PHLDA3: variants seen among roughly 807,000 people sequenced by gnomAD.
PHLDA3 encodes the protein pleckstrin homology-like domain family A member 3.
Under a neutral mutation model 7.6 loss-of-function variants are expected in PHLDA3, and 12 were observed. The ratio of observed to expected loss-of-function variants is 1.58; its 90% CI spans 1.01 to 2.55. The LOEUF is 2.55. PHLDA3 is among the 30% of genes most tolerant of loss of function. PHLDA3 has a pLI of 0.00. For synonymous variants in PHLDA3, 104 were observed against 85.1 expected (o/e 1.22, Z -1.23); for missense variants, 177 against 175.6 (o/e 1.01, Z -0.05).
Position 201,468,640 on chromosome 1 carries a change from C to T in PHLDA3, c.147G>A (p.Arg49=), listed in dbSNP as rs1203582069. ...QLFEAKGTGG[R]PKELSFARIK... is the part of the protein sequence containing the mutation. ...TGCGGGCGAAGCTGAGCTCCTTGGG[C>T]CGGCCGCCCGTGCCCTTGGCCTCGA... is the stretch of plus-strand genomic sequence containing the variant. The change falls in exon 1 of 2, where the codon CGG becomes CGA. Residue 49 remains arginine, a synonymous_variant. Transcript: ENST00000367311. The T allele has an allele frequency of 3.1e-6, 5 of 1,613,032 alleles. No homozygotes were observed. Among genetic ancestry groups the T allele is most frequent in the African/African-American group, 2.7e-5 (2 of 74,942 alleles).
rs940301962 is a variant in PHLDA3, at chr1:201,469,045, G to C, written c.-259C>G. On this transcript the variant is annotated 5_prime_UTR_variant, in exon 1 of 2. Coordinates refer to ENST00000367311, the MANE Select transcript of PHLDA3 (RefSeq NM_012396.5). ...CCTCCGCTCTACCCCAGCTGGCCCA[G>C]CCCGACCCGCCTCTGCCAGATGCCT... 2.1e-5 allele frequency: 8 copies of C among 385,906 alleles called. No individual in the cohort carries two copies. Among genetic ancestry groups the C allele is most frequent in the Admixed American group, 4.8e-5 (1 of 20,740 alleles). The allele number at this position is 385,906 out of a possible 1,614,324, so 23.9% of individuals were successfully genotyped here. A position where few individuals can be genotyped will look rare whatever the true frequency, so the allele number is the denominator to read the frequency against.
Position 201,465,689 on chromosome 1 carries a change from C to A in PHLDA3, c.*552G>T, listed in dbSNP as rs1365118534. 1.3e-5 allele frequency: 2 copies of A among 155,068 alleles called. No homozygotes were observed. The highest frequency in any genetic ancestry group is 2.4e-5 in the African/African-American group (1 of 41,528). 9.6% of individuals were successfully genotyped at this position (155,068 alleles called of 1,614,324 possible). A position where few individuals can be genotyped will look rare whatever the true frequency, so the allele number is the denominator to read the frequency against. On this transcript the variant is annotated 3_prime_UTR_variant, in exon 2 of 2. Transcript: ENST00000367311. The stretch of plus-strand genomic sequence containing the variant: ...CCAAAAGGACCTAAGCAGCAGGAGA[C>A]CCCCAGGAGTGGGCTTTAGGCCCAG...
In PHLDA3 at chr1:201,465,245, G is replaced by A. The variant is rs1663631730; in HGVS notation, c.*996C>T. On this transcript the variant is annotated 3_prime_UTR_variant, in exon 2 of 2. Coordinates refer to ENST00000367311, the MANE Select transcript of PHLDA3 (RefSeq NM_012396.5). ...AGCTGAGGCTTCTCCCAGGGTAGCAGGGGCAGGGTAGCCTCCTGTAGAAGA... is the reference window on the plus strand; with the variant it reads ...AGCTGAGGCTTCTCCCAGGGTAGCAAGGGCAGGGTAGCCTCCTGTAGAAGA... The A allele has an allele frequency of 6.6e-6, 1 of 152,286 alleles. No homozygotes were observed. The highest frequency in any genetic ancestry group is 1.9e-4 in the East Asian group (1 of 5,204). The allele number at this position is 152,286 out of a possible 1,614,324, so 9.4% of individuals were successfully genotyped here.
chr1:201,468,346 T>C lies in PHLDA3; in HGVS notation c.*57A>G. The C allele has an allele frequency of 6.3e-7, 1 of 1,595,348 alleles. No individual in the cohort carries two copies. Among genetic ancestry groups the C allele is most frequent in the Middle Eastern group, 1.7e-4 (1 of 5,976 alleles). On this transcript the variant is annotated 3_prime_UTR_variant, in exon 1 of 2. Coordinates refer to ENST00000367311, the MANE Select transcript of PHLDA3 (RefSeq NM_012396.5). ...CCAGTCCCCCGGGGGCTTACCTGCCTTGACCTCAGCACTGAGGTGGTGGGT... is the reference window on the plus strand; with the variant it reads ...CCAGTCCCCCGGGGGCTTACCTGCCCTGACCTCAGCACTGAGGTGGTGGGT...
rs1407331210 is a variant in PHLDA3, at chr1:201,468,401, G to T, written c.*2C>A. The stretch of plus-strand genomic sequence containing the variant: ...TGAAGGAAAGATGGTGCGCCCGGTG[G>T]TTTAGGACACGAGGGTCCCGGTCCC... On this transcript the variant is annotated 3_prime_UTR_variant, in exon 1 of 2. Coordinates refer to ENST00000367311, the MANE Select transcript of PHLDA3 (RefSeq NM_012396.5). The T allele has an allele frequency of 1.9e-6, 3 of 1,613,752 alleles. No individual in the cohort carries two copies. The highest frequency in any genetic ancestry group is 2.5e-6 in the Non-Finnish European group (3 of 1,179,882).
Position 201,468,555 on chromosome 1 carries a change from C to A in PHLDA3, c.232G>T (p.Glu78Ter). 1 of 1,614,060 alleles carries A rather than the reference C, an allele frequency of 6.2e-7. No individual in the cohort carries two copies. The highest frequency in any genetic ancestry group is 8.5e-7 in the Non-Finnish European group (1 of 1,180,014). Residue 78 changes from glutamate (E) to a stop codon, truncating the protein, a stop_gained, in exon 1 of 2, where the codon GAA (glutamate) becomes TAA (stop). Transcript: ENST00000367311. LOFTEE classifies it high-confidence loss of function. ...GRHIYFTLVT[E>*]GGGEIDFRCP... The stretch of plus-strand genomic sequence containing the variant: ...CGGAAGTCGATCTCGCCGCCCCCTT[C>A]GGTCACCAGCGTGAAGTAGATGTGG...
intron 1 of PHLDA3, among the ~76,000 whole-genome samples, chr1:201,468,099 G>C (rs931552699): frequency 2.0e-5 from 3 of 152,150 alleles, no homozygotes; most frequent in African/African-American, 7.2e-5. Context: ...CCCCTCCCAG[G>C]GCTTCCATCT....
intron 1 of PHLDA3, among the ~76,000 whole-genome samples, chr1:201,467,117 C>T (rs1368327027): frequency 2.6e-5 from 4 of 151,962 alleles, no homozygotes; most frequent in African/African-American, 9.7e-5. Context: ...TCGAAACCAG[C>T]ATGGGCAACG....
In PHLDA3 at chr1:201,468,661, C is replaced by G. The variant is rs1663745096; in HGVS notation, c.126G>C (p.Glu42Asp). The stretch of plus-strand genomic sequence containing the variant: ...TGGGCCGGCCGCCCGTGCCCTTGGC[C>G]TCGAAGAGCTGCAGCCCGCGTTCGG... ...VLTERGLQLF[E>D]AKGTGGRPKE... is the part of the protein sequence containing the mutation. Residue 42 changes from glutamate (E) to aspartate (D), a missense_variant, in exon 1 of 2, where the codon GAG becomes GAC. By Grantham distance (45) the Glu-to-Asp change is conservative (BLOSUM62 2). Transcript: ENST00000367311. The G allele has an allele frequency of 6.2e-7, 1 of 1,612,766 alleles. No individual in the cohort carries two copies. Among genetic ancestry groups the G allele is most frequent in the Non-Finnish European group, 8.5e-7 (1 of 1,179,842 alleles).
intron 1 of PHLDA3, chr1:201,467,728 C>T (rs1035156619): frequency 6.5e-6 from 1 of 153,640 alleles, no homozygotes; most frequent in Non-Finnish European, 1.4e-5. Context: ...CCAGCCAAGG[C>T]GGCCCACTGA....
At chr1:201,466,690 T>A (rs1281820286) in intron 1 of PHLDA3, 1 of 152,228 alleles carries the variant, frequency 6.6e-6, no homozygotes, top group Non-Finnish European at 1.5e-5. Context: ...GAGCCAGGGC[T>A]TCCAGATTCT....
rs937947226 is a variant in PHLDA3 at position 201,465,668 on chromosome 1, A to G, written c.*573T>C. ...GGGCCTGGATGGGTGGGGGTCCCAA[A>G]AGGACCTAAGCAGCAGGAGACCCCC... On this transcript the variant is annotated 3_prime_UTR_variant, in exon 2 of 2. Coordinates refer to ENST00000367311, the MANE Select transcript of PHLDA3 (RefSeq NM_012396.5). The G allele has an allele frequency of 3.2e-5, 5 of 154,956 alleles. No individual in the cohort carries two copies. Among genetic ancestry groups the G allele is most frequent in the African/African-American group, 1.2e-4 (5 of 41,528 alleles). The allele number at this position is 154,956 out of a possible 1,614,324, so 9.6% of individuals were successfully genotyped here. A position where few individuals can be genotyped will look rare whatever the true frequency, so the allele number is the denominator to read the frequency against.
Position 201,465,142 on chromosome 1 carries a change from C to T in PHLDA3, c.*1099G>A, listed in dbSNP as rs1221124395. On this transcript the variant is annotated 3_prime_UTR_variant, in exon 2 of 2. Coordinates refer to ENST00000367311, the MANE Select transcript of PHLDA3 (RefSeq NM_012396.5). ...CCTGTTGAAATTATTCCTTTTAACC[C>T]TCCAGGAGGGAGAACTTACTGTGTA... is the stretch of plus-strand genomic sequence containing the variant. 2.0e-5 allele frequency: 3 copies of T among 152,190 alleles called. No homozygotes were observed. The highest frequency in any genetic ancestry group is 4.8e-5 in the African/African-American group (2 of 41,442). 9.4% of individuals were successfully genotyped at this position (152,190 alleles called of 1,614,324 possible). A position where few individuals can be genotyped will look rare whatever the true frequency, so the allele number is the denominator to read the frequency against.
In PHLDA3 at chr1:201,465,579, T is replaced by G. The variant is rs1235560805; in HGVS notation, c.*662A>C. 1 of 155,026 alleles carries G rather than the reference T, an allele frequency of 6.5e-6. No individual in the cohort carries two copies. The highest frequency in any genetic ancestry group is 1.5e-5 in the Non-Finnish European group (1 of 68,392). The allele number at this position is 155,026 out of a possible 1,614,324, so 9.6% of individuals were successfully genotyped here. A position where few individuals can be genotyped will look rare whatever the true frequency, so the allele number is the denominator to read the frequency against. ...CAAACCCCCCCTCACCCCCACCACC[T>G]TCAGGCCGAACACCGCAGTGGGGGG... On this transcript the variant is annotated 3_prime_UTR_variant, in exon 2 of 2. Transcript: ENST00000367311.
In PHLDA3 at chr1:201,468,516, C is replaced by T. The variant is rs758452055; in HGVS notation, c.271G>A (p.Asp91Asn). 1.9e-6 allele frequency: 3 copies of T among 1,614,204 alleles called. No individual in the cohort carries two copies. The highest frequency in any genetic ancestry group is 1.7e-5 in the Admixed American group (1 of 60,028). Residue 91 changes from aspartate (D) to asparagine (N), a missense_variant, in exon 1 of 2, where the codon GAT (aspartate) becomes AAT (asparagine). Transcript: ENST00000367311. Reference sequence around the variant, plus strand: ...GTGATCTGGGCGTTCCAGCCGGGATCTTCCAGGGGGCAGCGGAAGTCGATC... The same window carrying T: ...GTGATCTGGGCGTTCCAGCCGGGATTTTCCAGGGGGCAGCGGAAGTCGATC... Reference protein sequence around the residue: ...GEIDFRCPLEDPGWNAQITLG... With the variant: ...GEIDFRCPLENPGWNAQITLG...
In PHLDA3 at chr1:201,465,884, A is replaced by C. The variant is rs1430510863; in HGVS notation, c.*357T>G. On this transcript the variant is annotated 3_prime_UTR_variant, in exon 2 of 2. Coordinates refer to ENST00000367311, the MANE Select transcript of PHLDA3 (RefSeq NM_012396.5). ...GGCCTGGCACAAAGCCAGGGGGCTA[A>C]GAGCAGTCTGCAGGACAGAGGGCAG... 2 of 154,928 alleles carry C rather than the reference A, an allele frequency of 1.3e-5. No individual in the cohort carries two copies. The highest frequency in any genetic ancestry group is 2.9e-5 in the Non-Finnish European group (2 of 68,314). The allele number at this position is 154,928 out of a possible 1,614,324, so 9.6% of individuals were successfully genotyped here.
In PHLDA3 at chr1:201,467,597, C is replaced by A. The variant is rs113283143; in HGVS notation, c.*62+744G>T. 2.8e-3 allele frequency: 424 copies of A among 150,746 alleles called. 3 individuals carry two copies. Among genetic ancestry groups the A allele is most frequent in the African/African-American group, 0.01 (410 of 40,752 alleles). 9.3% of individuals were successfully genotyped at this position (150,746 alleles called of 1,614,324 possible). The stretch of plus-strand genomic sequence containing the variant: ...CTGTACTCCAGCCTGGGTGACACAG[C>A]GAGACTCTGTCTCAAACAACAACAA... On this transcript the variant is annotated intron_variant, in intron 1 of 1. Transcript: ENST00000367311.
At position 201,469,082 on chromosome 1, in the gene PHLDA3, T is replaced by G; in HGVS notation, c.-296A>C. ...TCTGCCAGATGCCTCCGCGCCTCCC[T>G]AGGCCGTGAGCCCCACCGCCCGCCC... On this transcript the variant is annotated 5_prime_UTR_variant, in exon 1 of 2. Transcript: ENST00000367311. The G allele has an allele frequency of 3.1e-6, 1 of 320,866 alleles. No individual in the cohort carries two copies. The highest frequency in any genetic ancestry group is 5.8e-5 in the East Asian group (1 of 17,178). The allele number at this position is 320,866 out of a possible 1,614,324, so 19.9% of individuals were successfully genotyped here.
chr1:201,468,840 C>T lies in PHLDA3; in HGVS notation c.-54G>A. 2.1e-6 allele frequency: 3 copies of T among 1,456,432 alleles called. No individual in the cohort carries two copies. The highest frequency in any genetic ancestry group is 2.8e-5 in the Admixed American group (1 of 35,388). 90.2% of individuals were successfully genotyped at this position (1,456,432 alleles called of 1,614,324 possible). A position where few individuals can be genotyped will look rare whatever the true frequency, so the allele number is the denominator to read the frequency against. ...AGGCTGCGGCGGGCGCGGCGCCCCT[C>T]TCGGCCCCGCAGCGCAGGATTCTGG... On this transcript the variant is annotated 5_prime_UTR_variant, in exon 1 of 2. Coordinates refer to ENST00000367311, the MANE Select transcript of PHLDA3 (RefSeq NM_012396.5).
Sources: allele counts gnomAD v4.1 joint callset (sites outside exome capture counted in the v4.1 genomes callset), GRCh38; gene constraint gnomAD v4.1.1; transcripts MANE v1.5; gene names NCBI Gene and HGNC (gene_info 2026-07-23, HGNC 2026-07-21).